CDKAL1: variants seen among roughly 807,000 people sequenced by gnomAD.
CDKAL1 encodes CDKAL1 threonylcarbamoyladenosine tRNA methylthiotransferase.
CDKAL1 carries 32 observed loss-of-function variants against 68.2 expected under a neutral mutation model. That is an observed-to-expected ratio of 0.47 (90% confidence interval 0.35 to 0.63). The LOEUF (loss-of-function observed/expected upper bound fraction) is 0.63. Ranked by LOEUF, CDKAL1 falls within the 30% of genes least tolerant of loss-of-function variation. The probability of loss-of-function intolerance (pLI) is 0.00; values close to 1 mark genes in which losing one functional copy is unlikely to be tolerated. For missense variants in CDKAL1, 606 were observed against 696.7 expected, an observed-to-expected ratio of 0.87 and a Z score of 1.47; for synonymous variants, 234 against 244.3, an observed-to-expected ratio of 0.96 and a Z score of 0.39.
chr6:20,875,537 G>T (rs182795894), intron 9 of CDKAL1, among the ~76,000 whole-genome samples: 1 of 152,162 alleles, frequency 6.6e-6, no homozygotes. Context: ...TCTCTGAGAT[G>T]TGGGGAGGGG....
Position 20,660,895 on chromosome 6 carries a change from T to C in CDKAL1, c.371+11518T>C, listed in dbSNP as rs116237107. On this transcript the variant is annotated intron_variant, in intron 5 of 15. Transcript: ENST00000274695. ...TATAATTGCATTAATATCAGAACAC[T>C]TGTCTTACATTTGAGTTTCAAATTG... Among the ~76,000 whole-genome samples, 1,143 of 152,270 alleles carry C rather than the reference T, an allele frequency of 7.5e-3. 12 individuals are homozygous for C. Among genetic ancestry groups the C allele is most frequent in the African/African-American group, 0.026 (1,090 of 41,538 alleles).
intron 15 of CDKAL1, among the ~76,000 whole-genome samples, chr6:21,215,518 C>T (rs945001012): frequency 1.3e-5 from 2 of 152,114 alleles, no homozygotes; most frequent in Non-Finnish European, 2.9e-5. Context: ...TTCTACGTCC[C>T]CAGAAGACAT....
At chr6:21,137,272 AG>A in intron 13 of CDKAL1, among the ~76,000 whole-genome samples, 1 of 152,206 alleles carries the variant, frequency 6.6e-6, no homozygotes, top group South Asian at 2.1e-4. Flanking sequence ...TTTGAGTTAA[AG>A]ATATTGTTCT....
chr6:20,602,520 C>T (rs147223075), intron 4 of CDKAL1, among the ~76,000 whole-genome samples: 1 of 152,170 alleles, frequency 6.6e-6, no homozygotes, highest in Non-Finnish European at 1.5e-5. Flanking sequence ...ATTATTTGGT[C>T]CTCAGGATTT....
intron 11 of CDKAL1, among the ~76,000 whole-genome samples, chr6:21,049,821 T>C (rs1045944851): frequency 6.7e-6 from 1 of 148,892 alleles, no homozygotes; most frequent in African/African-American, 2.6e-5. Flanking sequence ...CTCATCCTTT[T>C]TTTTTTTTTT....
chr6:20,638,969 A>G (rs1268351920), intron 4 of CDKAL1, among the ~76,000 whole-genome samples: 2 of 152,034 alleles, frequency 1.3e-5, no homozygotes, highest in South Asian at 2.1e-4. Flanking sequence ...TGAAATAATT[A>G]TATGTCAAAA....
chr6:20,581,521 A>G (rs1427967328), intron 4 of CDKAL1, among the ~76,000 whole-genome samples: 1 of 152,170 alleles, frequency 6.6e-6, no homozygotes, highest in Non-Finnish European at 1.5e-5. Flanking sequence ...TTTATATGCT[A>G]TATTAAATTT....
intron 13 of CDKAL1, among the ~76,000 whole-genome samples, chr6:21,186,904 C>T (rs1305255763): frequency 6.6e-6 from 1 of 152,136 alleles, no homozygotes; most frequent in Non-Finnish European, 1.5e-5. Flanking sequence ...ACAGATGTTA[C>T]TTCACATTTT....
At chr6:20,883,208 A>G (rs1426849452) in intron 9 of CDKAL1, among the ~76,000 whole-genome samples, 2 of 152,196 alleles carry the variant, frequency 1.3e-5, no homozygotes, top group African/African-American at 4.8e-5. Flanking sequence ...ACAAAACTCA[A>G]CTTTCAGTAG....
At position 20,758,576 on chromosome 6, in the gene CDKAL1, CG is replaced by C. The variant is rs780555651; in HGVS notation, c.469-18del. On this transcript the variant is annotated intron_variant, in intron 6 of 15. Transcript: ENST00000274695. ...TCTTCGTGTAAATTACTTGTGTAAT[CG>C]TTTTTTTTTTTTTCCAGGTTCAGCA... 331 of 1,558,262 alleles carry C rather than the reference CG, an allele frequency of 2.1e-4. 2 individuals carry two copies. The South Asian group carries it at 3.3e-3, about 16-fold the overall frequency.
At chr6:21,020,773 C>CG (rs1335423210) in intron 11 of CDKAL1, among the ~76,000 whole-genome samples, 18 of 138,404 alleles carry the variant, frequency 1.3e-4, no homozygotes, top group Non-Finnish European at 2.4e-4. Flanking sequence ...GGCCTTTTTT[C>CG]CTTTTTTTTT....
At chr6:20,873,310 C>G (rs1760321537) in intron 9 of CDKAL1, among the ~76,000 whole-genome samples, 1 of 152,102 alleles carries the variant, frequency 6.6e-6, no homozygotes, top group Non-Finnish European at 1.5e-5. Flanking sequence ...GATTTGGGAA[C>G]TCTTTGTCAT....
chr6:20,934,900 A>T (rs1379415808), intron 9 of CDKAL1, among the ~76,000 whole-genome samples: 12 of 136,640 alleles, frequency 8.8e-5, no homozygotes, highest in South Asian at 4.7e-4. Context: ...CGCCTTATAC[A>T]TTTTTTTTTT....
At chr6:20,889,014 A>G (rs950159044) in intron 9 of CDKAL1, among the ~76,000 whole-genome samples, 5 of 152,298 alleles carry the variant, frequency 3.3e-5, no homozygotes, top group Admixed American at 3.3e-4. Context: ...CTATTTCTCC[A>G]CATCCTCTCC....
chr6:20,854,098 T>C (rs1381362096), intron 9 of CDKAL1, among the ~76,000 whole-genome samples: 1 of 152,216 alleles, frequency 6.6e-6, no homozygotes, highest in Non-Finnish European at 1.5e-5. Context: ...ACATGGTCCC[T>C]GTCTTTAAAG....
chr6:20,763,019 T>C (rs997954332), intron 7 of CDKAL1, among the ~76,000 whole-genome samples: 3 of 152,208 alleles, frequency 2.0e-5, no homozygotes, highest in African/African-American at 7.2e-5. Context: ...TACATTTACT[T>C]GATGGTCCTC....
At chr6:21,161,898 T>C (rs1459559824) in intron 13 of CDKAL1, among the ~76,000 whole-genome samples, 1 of 152,228 alleles carries the variant, frequency 6.6e-6, no homozygotes, top group Non-Finnish European at 1.5e-5. Context: ...AGTTAAACTG[T>C]GGTGCAAAGG....
chr6:20,708,964 A>G (rs568654359), intron 5 of CDKAL1, among the ~76,000 whole-genome samples: 1 of 152,096 alleles, frequency 6.6e-6, no homozygotes, highest in South Asian at 2.1e-4. Context: ...TTGCTTCAGT[A>G]CTTCATGATT....
At chr6:20,693,152 A>G (rs796670873) in intron 5 of CDKAL1, among the ~76,000 whole-genome samples, 94 of 139,284 alleles carry the variant, frequency 6.7e-4, no homozygotes, top group Middle Eastern at 3.8e-3. Context: ...AAAAAAAAAA[A>G]AAAAAGACAG....
Sources: gnomAD v4.1 joint callset for allele counts (sites outside exome capture counted in the v4.1 genomes callset) on GRCh38, gnomAD v4.1.1 for gene constraint, MANE v1.5 for transcripts, NCBI Gene and HGNC (gene_info 2026-07-23, HGNC 2026-07-21) for gene names.